Variants in MKKS observed in about 807,000 individuals in gnomAD.
The protein encoded by MKKS is molecular chaperone MKKS.
MKKS carries 29 observed loss-of-function variants against 33.2 expected under a neutral mutation model. The observed-to-expected ratio is 0.87, with a 90% CI of 0.65 to 1.19. The LOEUF (loss-of-function observed/expected upper bound fraction) is 1.19, where lower values mean the gene tolerates loss of function less well. Among genes scored for constraint, MKKS ranks in the 50% most tolerant of loss-of-function variants. MKKS has a pLI of 0.00. For missense variants in MKKS, 661 were observed against 662.3 expected (o/e 1.00, Z 0.02); for synonymous variants, 260 against 244.0 (o/e 1.07, Z -0.61).
In MKKS at chr20:10,434,146, C is replaced by T. The variant is rs1200133974; in HGVS notation, c.-687G>A. 1 of 146,920 alleles carries T rather than the reference C, an allele frequency of 6.8e-6. No individual in the cohort carries two copies. Among genetic ancestry groups the T allele is most frequent in the Non-Finnish European group, 1.5e-5 (1 of 66,126 alleles). The allele number at this position is 146,920 out of a possible 1,614,324, so 9.1% of individuals were successfully genotyped here. ...GTCGCGCCGCCCCAGGCCGCCACCG[C>T]CAGAGGCCCCAGAAACAGATCTCAA... On this transcript the variant is annotated 5_prime_UTR_variant, in exon 1 of 6. Transcript: ENST00000347364.
chr20:10,415,632 A>G (rs1299123538), intron 2 of MKKS, among the ~76,000 whole-genome samples: 5 of 152,272 alleles, frequency 3.3e-5, no homozygotes, highest in Admixed American at 1.3e-4. Context: ...TCTGAGAAAT[A>G]CATTTAAATG....
chr20:10,423,351 G>A (rs1361869708), intron 1 of MKKS, among the ~76,000 whole-genome samples: 2 of 152,138 alleles, frequency 1.3e-5, no homozygotes, highest in African/African-American at 4.8e-5. Flanking sequence ...GACCTTGGGA[G>A]GCTGAGGCTG....
rs760810072 is a variant in MKKS at position 10,420,581 on chromosome 20, A to G, written c.-471T>C. On this transcript the variant is annotated 5_prime_UTR_variant, in exon 2 of 6. Coordinates refer to ENST00000347364, the MANE Select transcript of MKKS (RefSeq NM_170784.3). ...TGGATTTGGCTCTTCTGAAGATTTG[A>G]AAGTCCCAGACTATCTTGCTCAGGA... 1 of 152,238 alleles carries G rather than the reference A, an allele frequency of 6.6e-6. No individual in the cohort carries two copies. The highest frequency in any genetic ancestry group is 1.5e-5 in the Non-Finnish European group (1 of 68,044). 9.4% of individuals were successfully genotyped at this position (152,238 alleles called of 1,614,324 possible).
intron 1 of MKKS, among the ~76,000 whole-genome samples, chr20:10,432,371 C>T (rs190884500): frequency 8.3e-4 from 127 of 152,336 alleles, no homozygotes; most frequent in African/African-American, 2.6e-3. Flanking sequence ...TCTCAGGAAA[C>T]CCAACCTAGG....
rs2064817523 is a variant in MKKS, at chr20:10,402,846, A to G, written c.*2401T>C. The stretch of plus-strand genomic sequence containing the variant: ...TTATGTGACCAAGTTTTCAGTAAAT[A>G]ATTTATTACAAATAAGCTTTTCCTC... On this transcript the variant is annotated 3_prime_UTR_variant, in exon 6 of 6. Coordinates refer to ENST00000347364, the MANE Select transcript of MKKS (RefSeq NM_170784.3). 2.0e-5 allele frequency: 3 copies of G among 152,232 alleles called. No homozygotes were observed. The South Asian group carries it at 6.2e-4, about 31-fold the overall frequency. The allele number at this position is 152,232 out of a possible 1,614,324, so 9.4% of individuals were successfully genotyped here.
chr20:10,405,719 ACAAAG>A, intron 5 of MKKS, 32 bp from the exon 6 acceptor site: 1 of 1,516,296 alleles, frequency 6.6e-7, no homozygotes, highest in South Asian at 1.1e-5. Context: ...GAAAACACAT[ACAAAG>A]CAATTAATAT....
intron 1 of MKKS, among the ~76,000 whole-genome samples, chr20:10,427,199 T>C (rs1783540148): frequency 6.6e-6 from 1 of 152,158 alleles, no homozygotes; most frequent in African/African-American, 2.4e-5. Flanking sequence ...GTTTTTTTAA[T>C]TGCTTCCTGC....
chr20:10,413,270 T>C lies in MKKS; in HGVS notation c.245A>G (p.Gln82Arg). Residue 82 changes from glutamine to arginine, a missense_variant, in exon 3 of 6, where the codon CAG becomes CGG. Transcript: ENST00000347364. ...PILKILTASI[Q>R]NHVSSFSDCG... ...ATCACTGAAGCTTGACACATGATTC[T>C]GTATGGAGGCTGTCAGGATCTTTAA... 6.2e-7 allele frequency: 1 copy of C among 1,614,254 alleles called. No homozygotes were observed. Among genetic ancestry groups the C allele is most frequent in the Non-Finnish European group, 8.5e-7 (1 of 1,180,036 alleles).
At chr20:10,409,103 T>G (rs915178428) in intron 3 of MKKS, among the ~76,000 whole-genome samples, 3 of 152,196 alleles carry the variant, frequency 2.0e-5, no homozygotes, top group Non-Finnish European at 2.9e-5. Context: ...GCATACATTT[T>G]CAAGGAATTC....
intron 1 of MKKS, among the ~76,000 whole-genome samples, chr20:10,430,040 A>G (rs1359927738): frequency 2.0e-5 from 3 of 151,946 alleles, no homozygotes; most frequent in Admixed American, 2.0e-4. Flanking sequence ...ACAAAAAACA[A>G]AAAAACAAAA....
intron 1 of MKKS, among the ~76,000 whole-genome samples, chr20:10,431,406 A>G (rs1235865973): frequency 2.0e-5 from 3 of 152,164 alleles, no homozygotes; most frequent in Non-Finnish European, 4.4e-5. Context: ...CAAGACTACT[A>G]GCCTCAGGGG....
rs2064831177 is a variant in MKKS, at chr20:10,405,047, G to T, written c.*200C>A. ...ACTATAATATTTTTAAATAAATAAT[G>T]CTTCATATTTTTATTGTTTCATGGC... On this transcript the variant is annotated 3_prime_UTR_variant, in exon 6 of 6. Transcript: ENST00000347364. The T allele has an allele frequency of 2.1e-6, 1 of 474,356 alleles. No individual in the cohort carries two copies. The highest frequency in any genetic ancestry group is 3.7e-6 in the Non-Finnish European group (1 of 269,922). 29.4% of individuals were successfully genotyped at this position (474,356 alleles called of 1,614,324 possible).
chr20:10,402,911 A>C lies in MKKS; in HGVS notation c.*2336T>G, dbSNP rs143853408. The C allele has an allele frequency of 1.4e-3, 212 of 152,342 alleles. 1 individual carries two copies. Among genetic ancestry groups the C allele is most frequent in the African/African-American group, 4.8e-3 (201 of 41,576 alleles). 9.4% of individuals were successfully genotyped at this position (152,342 alleles called of 1,614,324 possible). On this transcript the variant is annotated 3_prime_UTR_variant, in exon 6 of 6. Coordinates refer to ENST00000347364, the MANE Select transcript of MKKS (RefSeq NM_170784.3). ...TAGCTATTGCTGTATAAGAAAGTAC[A>C]TCCCAAATTTGACTTAAAACAACAT...
intron 3 of MKKS, among the ~76,000 whole-genome samples, chr20:10,410,993 G>GTTTTT (rs531825364): frequency 6.7e-6 from 1 of 148,736 alleles, no homozygotes. Context: ...GAAAATGTTT[G>GTTTTT]GTTTTTTTTT....
intron 3 of MKKS, among the ~76,000 whole-genome samples, chr20:10,410,872 T>C (rs1209014292): frequency 6.6e-6 from 1 of 152,082 alleles, no homozygotes; most frequent in Admixed American, 6.6e-5. Flanking sequence ...TCTCAAAAGC[T>C]CTCTGCTCCC....
At position 10,402,631 on chromosome 20, in the gene MKKS, A is replaced by G. The variant is rs2064816511; in HGVS notation, c.*2616T>C. 2 of 152,220 alleles carry G rather than the reference A, an allele frequency of 1.3e-5. No individual in the cohort carries two copies. The highest frequency in any genetic ancestry group is 4.1e-4 in the South Asian group (2 of 4,832). 9.4% of individuals were successfully genotyped at this position (152,220 alleles called of 1,614,324 possible). ...TAGAAGCCCCTAATCTATAAGATCA[A>G]TTGGAGAGGTTCGCTGTGTCACCCC... On this transcript the variant is annotated 3_prime_UTR_variant, in exon 6 of 6. Transcript: ENST00000347364.
intron 2 of MKKS, among the ~76,000 whole-genome samples, chr20:10,415,312 C>T (rs6074132): frequency 6.6e-6 from 1 of 152,104 alleles, no homozygotes; most frequent in Non-Finnish European, 1.5e-5. Flanking sequence ...AAAGTACTTC[C>T]TAAAAGTAGG....
intron 3 of MKKS, among the ~76,000 whole-genome samples, chr20:10,409,147 A>AC (rs2064862748): frequency 6.6e-6 from 1 of 152,166 alleles, no homozygotes; most frequent in African/African-American, 2.4e-5. Context: ...GGGTTTAGAG[A>AC]CCCCAAATTA....
intron 1 of MKKS, among the ~76,000 whole-genome samples, chr20:10,427,026 A>G (rs1045481612): frequency 8.1e-5 from 11 of 135,584 alleles, no homozygotes; most frequent in Non-Finnish European, 1.7e-4. Flanking sequence ...AAAAGAAAAC[A>G]CTGACACACA....
Sources: allele counts gnomAD v4.1 joint callset (sites outside exome capture counted in the v4.1 genomes callset), GRCh38; gene constraint gnomAD v4.1.1; transcripts MANE v1.5; gene names NCBI Gene and HGNC (gene_info 2026-07-23, HGNC 2026-07-21).